SLC28A1: variants seen among roughly 807,000 people sequenced by gnomAD.
SLC28A1 encodes the protein sodium/nucleoside cotransporter 1.
In SLC28A1, 64 loss-of-function variants were observed where a neutral mutation model predicts 74.8. That is an observed-to-expected ratio of 0.86 (90% CI 0.70 to 1.05). The LOEUF (loss-of-function observed/expected upper bound fraction) is 1.05. Among genes scored for constraint, SLC28A1 ranks in the 50% least tolerant of loss-of-function variants. SLC28A1 has a pLI of 0.00. For synonymous variants in SLC28A1, 359 were observed against 335.0 expected (o/e 1.07, Z -0.78); for missense variants, 828 against 822.8 (o/e 1.01, Z -0.08).
intron 12 of SLC28A1, among the ~76,000 whole-genome samples, chr15:84,932,164 T>C (rs1463240499): frequency 6.6e-6 from 1 of 152,200 alleles, no homozygotes; most frequent in Admixed American, 6.5e-5. Context: ...ACCTGCAATG[T>C]TGTGGGCCCT....
chr15:84,912,446 T>G (rs1319547379), intron 9 of SLC28A1, among the ~76,000 whole-genome samples: 1 of 152,144 alleles, frequency 6.6e-6, no homozygotes, highest in Non-Finnish European at 1.5e-5. Context: ...TCCCTAGGGC[T>G]TCTTCAGCCC....
At chr15:84,961,022 C>T in the SLC28A1 span, among the ~76,000 whole-genome samples, 11 of 152,108 alleles carry the variant, frequency 7.2e-5, no homozygotes, top group African/African-American at 2.7e-4. Flanking sequence ...TGGTTGAGTT[C>T]CGGCTCCACT....
At position 84,935,104 on chromosome 15, in the gene SLC28A1, CCTG is replaced by C; in HGVS notation, c.1294_1296del (p.Leu432del). The C allele has an allele frequency of 6.2e-7, 1 of 1,614,112 alleles. No individual in the cohort carries two copies. Among genetic ancestry groups the C allele is most frequent in the Non-Finnish European group, 8.5e-7 (1 of 1,179,950 alleles). On this transcript the variant is annotated inframe_deletion, in exon 14 of 19. Transcript: ENST00000394573. ...AGGTGGTCGCCAACATCGCTGCCAA[CCTG>C]ATTGCGTTCCTGGCTGTGCTGGACT...
chr15:84,908,882 C>A, intron 9 of SLC28A1, 87 bp downstream of exon 9: 1 of 1,097,830 alleles, frequency 9.1e-7, no homozygotes, highest in Non-Finnish European at 1.4e-6. Flanking sequence ...GGTGGGGGCC[C>A]AGGTGGAGGG....
intron 15 of SLC28A1, among the ~76,000 whole-genome samples, chr15:84,937,532 T>G (rs1972075274): frequency 6.6e-6 from 1 of 152,234 alleles, no homozygotes; most frequent in Admixed American, 6.5e-5. Context: ...CTGGAAACTT[T>G]CAATGGGAAG....
chr15:84,945,257 T>G lies in SLC28A1; in HGVS notation c.*57T>G, dbSNP rs185364026. 6.6e-7 allele frequency: 1 copy of G among 1,522,570 alleles called. No homozygotes were observed. Among genetic ancestry groups the G allele is most frequent in the African/African-American group, 1.4e-5 (1 of 73,210 alleles). 94.3% of individuals were successfully genotyped at this position (1,522,570 alleles called of 1,614,324 possible). On this transcript the variant is annotated 3_prime_UTR_variant, in exon 19 of 19. Coordinates refer to ENST00000394573, the MANE Select transcript of SLC28A1 (RefSeq NM_004213.5). ...GAGGGCTGTTCTCCCCCGGGAACCA[T>G]CTGTCCCCACCTTCCCTTTCCCAGA...
chr15:84,945,038 A>C, intron 18 of SLC28A1, 87 bp from the exon 19 acceptor site: 1 of 1,283,730 alleles, frequency 7.8e-7, no homozygotes, highest in Non-Finnish European at 1.1e-6. Flanking sequence ...CAGAGACTTG[A>C]AACAGTGTTC....
chr15:84,895,068 C>G lies in SLC28A1; in HGVS notation c.406C>G (p.Leu136Val). Residue 136 changes from leucine (L) to valine (V), a missense_variant, in exon 6 of 19, where the codon CTG becomes GTG. Transcript: ENST00000394573. ...GCTGAAACGGCTTCTGGGGCCAAAGCTGAGGAGGTTTCTCAAGCCTCAGGG... is the reference window on the plus strand; with the variant it reads ...GCTGAAACGGCTTCTGGGGCCAAAGGTGAGGAGGTTTCTCAAGCCTCAGGG... ...RLLKRLLGPK[L>V]RRFLKPQGHP... 6.2e-7 allele frequency: 1 copy of G among 1,600,524 alleles called. No individual in the cohort carries two copies. The highest frequency in any genetic ancestry group is 8.5e-7 in the Non-Finnish European group (1 of 1,173,674).
At chr15:84,895,190 G>A in intron 6 of SLC28A1, 67 bp downstream of exon 6, 1 of 1,597,368 alleles carries the variant, frequency 6.3e-7, no homozygotes, top group Non-Finnish European at 8.5e-7. Context: ...TGGCTCCAGG[G>A]TTATGGCCAG....
At chr15:84,930,655 T>A (rs988810880) in intron 12 of SLC28A1, among the ~76,000 whole-genome samples, 3 of 144,956 alleles carry the variant, frequency 2.1e-5, no homozygotes, top group African/African-American at 7.8e-5. Flanking sequence ...TCTCACTCTG[T>A]CGCCCGGGCT....
In SLC28A1 at chr15:84,923,970, C is replaced by T. The variant is rs200362220; in HGVS notation, c.958-15C>T. 4 of 1,613,942 alleles carry T rather than the reference C, an allele frequency of 2.5e-6. No individual in the cohort carries two copies. The African/African-American group carries it at 5.3e-5, about 22-fold the overall frequency. ...CACCCCCACCCTGCTTGTCTGACAT[C>T]TTTCCTGTTTGCAGACCGAGGCTCC... is the stretch of plus-strand genomic sequence containing the variant. On this transcript the variant is annotated splice_polypyrimidine_tract_variant and intron_variant, in intron 11 of 18. Coordinates refer to ENST00000394573, the MANE Select transcript of SLC28A1 (RefSeq NM_004213.5).
At chr15:84,974,798 G>A in the SLC28A1 span, among the ~76,000 whole-genome samples, 2 of 151,894 alleles carry the variant, frequency 1.3e-5, no homozygotes, top group Non-Finnish European at 2.9e-5. Context: ...TTGGGGAGTC[G>A]GGGATTGTGA....
intron 5 of SLC28A1, among the ~76,000 whole-genome samples, chr15:84,892,337 A>T (rs1596204708): frequency 1.3e-5 from 2 of 152,280 alleles, no homozygotes; most frequent in South Asian, 4.1e-4. Flanking sequence ...AAGTAGGGTC[A>T]TCTGCTGAGA....
the SLC28A1 span, among the ~76,000 whole-genome samples, chr15:84,959,302 G>A: frequency 2.0e-5 from 3 of 151,666 alleles, no homozygotes; most frequent in East Asian, 5.9e-4. Flanking sequence ...ATGGGGTTTT[G>A]CCATGTTGGC....
chr15:84,950,077 C>A (rs370640668), downstream of SLC28A1, among the ~76,000 whole-genome samples: 1 of 152,074 alleles, frequency 6.6e-6, no homozygotes, highest in African/African-American at 2.4e-5. Context: ...GATGGGGAGG[C>A]AGCACAGCCA....
At chr15:84,919,995 G>T (rs77355260) in intron 10 of SLC28A1, among the ~76,000 whole-genome samples, 2,458 of 152,284 alleles carry the variant, frequency 0.016, 67 homozygotes, top group African/African-American at 0.057. Context: ...CCACAAAATG[G>T]TTGAAGGAAT....
At chr15:84,888,967 T>A in intron 4 of SLC28A1, 107 bp downstream of exon 4, 1 of 786,564 alleles carries the variant, frequency 1.3e-6, no homozygotes. Context: ...GACGTGAACC[T>A]TTGTTGAAGG....
At chr15:84,886,434 A>G in intron 1 of SLC28A1, 1 of 985,432 alleles carries the variant, frequency 1.0e-6, no homozygotes, top group Non-Finnish European at 1.2e-6. Context: ...AGCGGCCCTA[A>G]TAGGCCTGGA....
intron 11 of SLC28A1, among the ~76,000 whole-genome samples, chr15:84,923,562 C>T (rs527721206): frequency 6.6e-6 from 1 of 152,240 alleles, no homozygotes; most frequent in South Asian, 2.1e-4. Context: ...TCTTTTTGGC[C>T]ACCGCTGTGG....
Sources: allele counts gnomAD v4.1 joint callset (sites outside exome capture counted in the v4.1 genomes callset), GRCh38; gene constraint gnomAD v4.1.1; transcripts MANE v1.5; gene names NCBI Gene and HGNC (gene_info 2026-07-23, HGNC 2026-07-21).